ACP7: variants seen among roughly 807,000 people sequenced by gnomAD.
ACP7 encodes the protein acid phosphatase type 7.
ACP7 carries 58 observed loss-of-function variants against 60.6 expected under a neutral mutation model. That is an observed-to-expected ratio of 0.96 (90% CI 0.77 to 1.19). The LOEUF (loss-of-function observed/expected upper bound fraction) is 1.19. ACP7 is among the 50% of genes most tolerant of loss of function. ACP7 has a pLI of 0.00. For missense variants in ACP7, 574 were observed against 596.2 expected (o/e 0.96, Z 0.39); for synonymous variants, 237 against 232.6 (o/e 1.02, Z -0.17).
intron 2 of ACP7, among the ~76,000 whole-genome samples, chr19:39,091,641 T>C (rs898154081): frequency 2.6e-5 from 4 of 152,108 alleles, no homozygotes; most frequent in Non-Finnish European, 5.9e-5. Context: ...ATTAATTACC[T>C]GGTTGGCCAC....
chr19:39,098,387 C>A (rs1190256926), intron 2 of ACP7, 71 bp from the exon 3 acceptor site: 1 of 1,237,952 alleles, frequency 8.1e-7, no homozygotes, highest in Non-Finnish European at 1.1e-6. Flanking sequence ...ACGCCCCTCA[C>A]TTTTTCTGCA....
chr19:39,086,421 G>T (rs1392799810), intron 2 of ACP7, among the ~76,000 whole-genome samples: 1 of 152,144 alleles, frequency 6.6e-6, no homozygotes, highest in African/African-American at 2.4e-5. Context: ...CTTGACCTCA[G>T]GGGTTCAAGA....
At chr19:39,101,380 C>T (rs1258412076) in intron 10 of ACP7, 25 bp downstream of exon 10, 1 of 1,614,070 alleles carries the variant, frequency 6.2e-7, no homozygotes, top group Non-Finnish European at 8.5e-7. Flanking sequence ...GGGCTGAGCG[C>T]CCACACAGCT....
chr19:39,092,454 C>A (rs1030851597), intron 2 of ACP7, among the ~76,000 whole-genome samples: 7 of 151,868 alleles, frequency 4.6e-5, no homozygotes, highest in African/African-American at 1.7e-4. Flanking sequence ...AAGGTGACAG[C>A]CTTTATGCAC....
intron 2 of ACP7, among the ~76,000 whole-genome samples, chr19:39,086,545 G>T (rs890281880): frequency 6.7e-6 from 1 of 149,670 alleles, no homozygotes; most frequent in African/African-American, 2.5e-5. Flanking sequence ...CAAGAGGATC[G>T]CTTGAGCCCA....
chr19:39,090,379 G>C (rs2073190635), intron 2 of ACP7, among the ~76,000 whole-genome samples: 1 of 152,142 alleles, frequency 6.6e-6, no homozygotes, highest in Non-Finnish European at 1.5e-5. Context: ...GTGTTGCCCA[G>C]GCTGGTCTTG....
Position 39,106,998 on chromosome 19 carries a change from G to GCCGTGCGTGTGAAGGAGTA in ACP7, c.1167_1185dup (p.Gly396ArgfsTer35). On this transcript the variant is annotated frameshift_variant, in exon 12 of 13. Transcript: ENST00000331256. LOFTEE classifies it high-confidence loss of function. ...TGCTGTCTTCCCGAGGCCCTGGAGT[G>GCCGTGCGTGTGAAGGAGTA]CCGTGCGTGTGAAGGAGTACGGGTA... The GCCGTGCGTGTGAAGGAGTA allele has an allele frequency of 6.2e-7, 1 of 1,614,102 alleles. No individual in the cohort carries two copies. The highest frequency in any genetic ancestry group is 8.5e-7 in the Non-Finnish European group (1 of 1,180,024).
chr19:39,110,054 A>T lies in ACP7; in HGVS notation c.1253A>T (p.Asp418Val). Residue 418 changes from aspartate (D) to valine (V), a missense_variant and splice_region_variant, in exon 13 of 13, where the codon GAT becomes GTT. Transcript: ENST00000331256. Reference sequence around the variant, plus strand: ...TGTCCCTGTTTTTGTCCCTCACAGGATGGGAAGATCGTAGATGATGTCTGG... The same window carrying T: ...TGTCCCTGTTTTTGTCCCTCACAGGTTGGGAAGATCGTAGATGATGTCTGG... ...IHIQQVSDDQ[D>V]GKIVDDVWVV... 2 of 1,613,462 alleles carry T rather than the reference A, an allele frequency of 1.2e-6. No homozygotes were observed.
At chr19:39,100,546 T>G in intron 5 of ACP7, 34 bp from the exon 6 acceptor site, 1 of 1,611,570 alleles carries the variant, frequency 6.2e-7, no homozygotes, top group South Asian at 1.1e-5. Context: ...AATTCAGTCC[T>G]TCACCTCCAT....
chr19:39,086,351 C>T (rs115994945), intron 2 of ACP7, among the ~76,000 whole-genome samples: 289 of 151,796 alleles, frequency 1.9e-3, no homozygotes, highest in African/African-American at 6.8e-3. Flanking sequence ...TGGAGGAGGC[C>T]AGGCACAGTG....
chr19:39,105,155 A>G (rs2073397733), intron 11 of ACP7, among the ~76,000 whole-genome samples: 2 of 151,570 alleles, frequency 1.3e-5, no homozygotes, highest in South Asian at 4.2e-4. Context: ...AGCTGGGATT[A>G]CAGGCTTACG....
rs908448934 is a variant in ACP7 at position 39,110,379 on chromosome 19, C to G, written c.*261C>G. ...GCAGGTTTCTGCTGGCAGGGCCCCA[C>G]CCTCCTGCATAGCTCTGATCGGGCG... On this transcript the variant is annotated 3_prime_UTR_variant, in exon 13 of 13. Transcript: ENST00000331256. The G allele has an allele frequency of 5.8e-6, 3 of 516,354 alleles. No individual in the cohort carries two copies. The highest frequency in any genetic ancestry group is 7.1e-5 in the Admixed American group (2 of 28,016). 32.0% of individuals were successfully genotyped at this position (516,354 alleles called of 1,614,324 possible).
At position 39,085,111 on chromosome 19, in the gene ACP7, C is replaced by T. The variant is rs1490054193; in HGVS notation, c.-159C>T. 1.1e-6 allele frequency: 1 copy of T among 924,958 alleles called. No homozygotes were observed. Among genetic ancestry groups the T allele is most frequent in the Non-Finnish European group, 1.6e-6 (1 of 634,336 alleles). 57.3% of individuals were successfully genotyped at this position (924,958 alleles called of 1,614,324 possible). Reference sequence around the variant, plus strand: ...CTCCAGCACCTGGATAACCACCCATCTTGAAGGAGACCTCCCTGCCCTGCC... The same window carrying T: ...CTCCAGCACCTGGATAACCACCCATTTTGAAGGAGACCTCCCTGCCCTGCC... On this transcript the variant is annotated 5_prime_UTR_variant, in exon 2 of 13. Transcript: ENST00000331256.
chr19:39,102,053 A>T (rs2073352343), intron 11 of ACP7, among the ~76,000 whole-genome samples: 1 of 150,998 alleles, frequency 6.6e-6, no homozygotes, highest in South Asian at 2.1e-4. Flanking sequence ...GCAGGAGGTC[A>T]AGGCTGTAGT....
intron 2 of ACP7, 42 bp from the exon 3 acceptor site, chr19:39,098,416 C>T: frequency 1.4e-6 from 2 of 1,419,316 alleles, no homozygotes; most frequent in Non-Finnish European, 1.9e-6. Context: ...CCACCCTGCC[C>T]AGGCTTCACT....
intron 11 of ACP7, among the ~76,000 whole-genome samples, chr19:39,103,266 G>A (rs1396303942): frequency 1.3e-5 from 2 of 152,100 alleles, no homozygotes; most frequent in Non-Finnish European, 2.9e-5. Context: ...GTTTATTTAT[G>A]TCCGTGTGAA....
chr19:39,087,784 C>T (rs540567579), intron 2 of ACP7, among the ~76,000 whole-genome samples: 1 of 152,198 alleles, frequency 6.6e-6, no homozygotes, highest in African/African-American at 2.4e-5. Flanking sequence ...CAGGCATGCA[C>T]CACCACACCT....
intron 2 of ACP7, among the ~76,000 whole-genome samples, chr19:39,097,729 A>C (rs916355975): frequency 6.6e-6 from 1 of 151,922 alleles, no homozygotes; most frequent in African/African-American, 2.4e-5. Flanking sequence ...AAATGATATC[A>C]TGTGTGTACA....
chr19:39,092,089 C>A (rs764043837), intron 2 of ACP7, among the ~76,000 whole-genome samples: 1 of 151,530 alleles, frequency 6.6e-6, no homozygotes, highest in African/African-American at 2.4e-5. Flanking sequence ...CTAGTGTATA[C>A]ATAAAGCATG....
Sources: gnomAD v4.1 joint callset for allele counts (sites outside exome capture counted in the v4.1 genomes callset) on GRCh38, gnomAD v4.1.1 for gene constraint, MANE v1.5 for transcripts, NCBI Gene and HGNC (gene_info 2026-07-23, HGNC 2026-07-21) for gene names.